Variants in COL4A4 observed in about 807,000 individuals in gnomAD.
COL4A4 encodes collagen alpha-4(IV) chain.
In COL4A4, 105 loss-of-function variants were observed where a neutral mutation model predicts 192.9. The ratio of observed to expected loss-of-function variants is 0.54; its 90% CI spans 0.46 to 0.64. The LOEUF is 0.64. Ranked by LOEUF, COL4A4 falls within the 30% of genes least tolerant of loss-of-function variation. The pLI is 0.00. For synonymous variants in COL4A4, 762 were observed against 769.9 expected, an observed-to-expected ratio of 0.99 and a Z score of 0.17; for missense variants, 1,967 against 2,169.3, an observed-to-expected ratio of 0.91 and a Z score of 1.85.
intron 4 of COL4A4, among the ~76,000 whole-genome samples, chr2:227,121,454 A>G (rs932682558): frequency 1.3e-5 from 2 of 151,354 alleles, no homozygotes; most frequent in African/African-American, 4.9e-5. Flanking sequence ...AGTCCCAGCT[A>G]TTCGGGAGGC....
intron 17 of COL4A4, among the ~76,000 whole-genome samples, chr2:227,101,151 A>C (rs1175948652): frequency 6.6e-6 from 1 of 152,064 alleles, no homozygotes; most frequent in East Asian, 1.9e-4. Flanking sequence ...CTCACAAGAT[A>C]ATGGTTTTAA....
At chr2:227,101,844 T>C (rs761725213) in intron 16 of COL4A4, 21 bp downstream of exon 16, 1 of 1,533,210 alleles carries the variant, frequency 6.5e-7, no homozygotes, top group Admixed American at 1.8e-5. Context: ...ATTTATTATC[T>C]CTATAATGAG....
At chr2:227,008,880 T>TA (rs938922438) in intron 46 of COL4A4, among the ~76,000 whole-genome samples, 22 of 152,290 alleles carry the variant, frequency 1.4e-4, no homozygotes, top group African/African-American at 5.3e-4. Context: ...TGTCCAGTGA[T>TA]AAATCAGACC....
chr2:227,014,016 C>G (rs965140215), intron 44 of COL4A4, among the ~76,000 whole-genome samples: 1 of 152,196 alleles, frequency 6.6e-6, no homozygotes, highest in Non-Finnish European at 1.5e-5. Flanking sequence ...CTTGATGTTG[C>G]AAGCTAGCAA....
At chr2:226,975,257 A>T in the COL4A4 span, among the ~76,000 whole-genome samples, 1 of 152,160 alleles carries the variant, frequency 6.6e-6, no homozygotes, top group Non-Finnish European at 1.5e-5. Flanking sequence ...AATTAACTTG[A>T]TTGTGGTACT....
rs566816723 is a variant in COL4A4 at position 227,054,919 on chromosome 2, A to G, written c.2717-182T>C. Among the ~76,000 whole-genome samples, 13 of 152,196 alleles carry G rather than the reference A, an allele frequency of 8.5e-5. No homozygotes were observed. The South Asian group carries it at 2.7e-3, about 32-fold the overall frequency. ...ATTCTCCTTCCTCAGCCTCCCGAGT[A>G]GCTGGGATTACAGGCGGGAGCCACC... On this transcript the variant is annotated intron_variant, in intron 30 of 47. Coordinates refer to ENST00000396625, the MANE Select transcript of COL4A4 (RefSeq NM_000092.5).
chr2:227,019,583 G>A (rs1965580064), intron 44 of COL4A4, among the ~76,000 whole-genome samples: 1 of 152,186 alleles, frequency 6.6e-6, no homozygotes, highest in Non-Finnish European at 1.5e-5. Context: ...TCTTACTGGG[G>A]TCCTAGCAGT....
Position 227,089,914 on chromosome 2 carries a change from T to C in COL4A4, c.1413A>G (p.Lys471=). The change falls in exon 21 of 48, where the codon AAA becomes AAG. Residue 471 remains lysine (K), a synonymous_variant. Coordinates refer to ENST00000396625, the MANE Select transcript of COL4A4 (RefSeq NM_000092.5). ...SVGNPGPQGI[K]GKVGPPGGRG... Reference sequence around the variant, plus strand: ...TTCCTCCTGGGGGACCAACTTTGCCTTTTATTCCTTGTGGTCCGGGGTTCC... The same window carrying C: ...TTCCTCCTGGGGGACCAACTTTGCCCTTTATTCCTTGTGGTCCGGGGTTCC... 1 of 1,613,544 alleles carries C rather than the reference T, an allele frequency of 6.2e-7. No individual in the cohort carries two copies. Among genetic ancestry groups the C allele is most frequent in the Non-Finnish European group, 8.5e-7 (1 of 1,179,602 alleles).
chr2:227,157,310 G>A (rs982567818), intron 1 of COL4A4, among the ~76,000 whole-genome samples: 1 of 151,890 alleles, frequency 6.6e-6, no homozygotes, highest in Non-Finnish European at 1.5e-5. Context: ...GTGCAGAAAA[G>A]GATCTTCTAG....
chr2:227,139,456 G>A (rs2063047257), intron 4 of COL4A4, among the ~76,000 whole-genome samples: 1 of 152,150 alleles, frequency 6.6e-6, no homozygotes, highest in Admixed American at 6.5e-5. Flanking sequence ...AGAACATGGG[G>A]GAGACATTAA....
chr2:227,132,369 C>T (rs1377278430), intron 4 of COL4A4, among the ~76,000 whole-genome samples: 1 of 152,176 alleles, frequency 6.6e-6, no homozygotes, highest in Non-Finnish European at 1.5e-5. Context: ...TTCTTTACGA[C>T]TGAGGCCTCC....
chr2:227,077,767 T>TGTACACTACTCGGGTGACAG (rs1454994596), intron 25 of COL4A4, 127 bp downstream of exon 25: 2 of 833,660 alleles, frequency 2.4e-6, no homozygotes, highest in African/African-American at 3.4e-5. Flanking sequence ...TTAGGTAAAA[T>TGTACACTACTCGGGTGACAG]GTACACTACT....
intron 20 of COL4A4, among the ~76,000 whole-genome samples, chr2:227,093,179 A>G (rs2060029210): frequency 6.6e-6 from 1 of 152,084 alleles, no homozygotes; most frequent in Non-Finnish European, 1.5e-5. Context: ...GCCCTTGGCC[A>G]TTTCTGAGCG....
intron 24 of COL4A4, among the ~76,000 whole-genome samples, chr2:227,079,612 A>G (rs1261951294): frequency 2.0e-5 from 3 of 152,184 alleles, no homozygotes; most frequent in Non-Finnish European, 4.4e-5. Flanking sequence ...CCCATTATAT[A>G]TGGCAGGCAG....
chr2:226,974,664 T>A, the COL4A4 span, among the ~76,000 whole-genome samples: 1 of 152,166 alleles, frequency 6.6e-6, no homozygotes, highest in Non-Finnish European at 1.5e-5. Flanking sequence ...CTAAAATAAA[T>A]GGGAAGGTAC....
At chr2:227,047,634 T>C (rs900073379) in intron 34 of COL4A4, 85 bp from the exon 35 acceptor site, 2 of 842,982 alleles carry the variant, frequency 2.4e-6, no homozygotes, top group Non-Finnish European at 4.1e-6. Context: ...ATGGTATTTG[T>C]ATAGCTTATC....
rs1971073024 is a variant in COL4A4, at chr2:227,041,787, GGAAAGAAAGA to G, written c.3505+351_3505+360del. 5.7e-4 allele frequency among the ~76,000 whole-genome samples: 25 copies of G among 44,172 alleles called. 1 individual carries two copies. Among genetic ancestry groups the G allele is most frequent in the African/African-American group, 2.0e-3 (19 of 9,696 alleles). The allele number at this position is 44,172 out of a possible 152,430, so 29.0% of individuals were successfully genotyped here. A position where few individuals can be genotyped will look rare whatever the true frequency, so the allele number is the denominator to read the frequency against. On this transcript the variant is annotated intron_variant, in intron 37 of 47. Coordinates refer to ENST00000396625, the MANE Select transcript of COL4A4 (RefSeq NM_000092.5). ...GGAAGGAAGGAAGGAAGGAAGGAAG[GGAAAGAAAGA>G]AAGAAAGGAAGAAAGAAAGAAAGAA... is the stretch of plus-strand genomic sequence containing the variant.
chr2:227,052,709 A>G (rs1293059379), intron 31 of COL4A4, among the ~76,000 whole-genome samples: 3 of 82,088 alleles, frequency 3.7e-5, no homozygotes, highest in African/African-American at 2.2e-4. Context: ...ACAGATTTGA[A>G]AAGTTCCAGT....
Position 227,008,035 on chromosome 2 carries a change from C to A in COL4A4, c.4792G>T (p.Gly1598Trp). ...GGACTCACCATCAGGAATGAATACC[C>A]GATCCAGAGGCTCCTCCAGGTCTGC... ...CPQTWRSLWI[G>W]YSFLMHTGAG... Residue 1598 changes from glycine to tryptophan, a missense_variant, in exon 47 of 48, where the codon GGG becomes TGG. Transcript: ENST00000396625. 1.9e-6 allele frequency: 3 copies of A among 1,612,286 alleles called. No individual in the cohort carries two copies. The highest frequency in any genetic ancestry group is 2.5e-6 in the Non-Finnish European group (3 of 1,180,014).
Sources: gnomAD v4.1 joint callset for allele counts (sites outside exome capture counted in the v4.1 genomes callset) on GRCh38, gnomAD v4.1.1 for gene constraint, MANE v1.5 for transcripts, NCBI Gene and HGNC (gene_info 2026-07-23, HGNC 2026-07-21) for gene names.